The following SMIM36 variants were observed in gnomAD, a reference collection of about 807,000 sequenced individuals.
SMIM36 encodes the protein small integral membrane protein 36.
At chr17:55,450,883 C>T (rs1474571083) in intron 4 of SMIM36, among the ~76,000 whole-genome samples, 1 of 152,164 alleles carries the variant, frequency 6.6e-6, no homozygotes, top group Non-Finnish European at 1.5e-5. Context: ...CTTAAAGATC[C>T]ATAGTGGCTT....
chr17:55,475,048 GA>G (rs2143266183), intron 3 of SMIM36, among the ~76,000 whole-genome samples: 1 of 151,988 alleles, frequency 6.6e-6, no homozygotes, highest in Admixed American at 6.6e-5. Context: ...GCTAGTTTTG[GA>G]CCCCCCACAG....
chr17:55,501,401 TTATTA>T (rs1186270275), intron 1 of SMIM36, among the ~76,000 whole-genome samples: 3 of 18,176 alleles, frequency 1.7e-4, no homozygotes, highest in African/African-American at 9.8e-4. Flanking sequence ...ATATTATATA[TTATTA>T]TATATTATAA....
the SMIM36 span, among the ~76,000 whole-genome samples, chr17:55,522,935 ATGAAT>A: frequency 6.6e-6 from 1 of 152,182 alleles, no homozygotes; most frequent in Non-Finnish European, 1.5e-5. Flanking sequence ...TATTTGGGGA[ATGAAT>A]AAGCCGTTCA....
upstream of SMIM36, among the ~76,000 whole-genome samples, chr17:55,514,981 C>G (rs139259396): frequency 1.3e-5 from 2 of 151,052 alleles, no homozygotes; most frequent in African/African-American, 4.9e-5. Flanking sequence ...GATTATTTCA[C>G]AGTTGAGGAC....
At chr17:55,482,156 T>A (rs1469074689) in intron 1 of SMIM36, among the ~76,000 whole-genome samples, 1 of 152,190 alleles carries the variant, frequency 6.6e-6, no homozygotes, top group Non-Finnish European at 1.5e-5. Context: ...ATTAGACGAA[T>A]CCTAAGACCC....
At chr17:55,486,408 CCTCT>C (rs1206420460) in intron 1 of SMIM36, among the ~76,000 whole-genome samples, 3 of 152,078 alleles carry the variant, frequency 2.0e-5, no homozygotes, top group Admixed American at 6.6e-5. Context: ...TTGGCATGTT[CCTCT>C]CTCTATCTCT....
intron 4 of SMIM36, among the ~76,000 whole-genome samples, chr17:55,452,024 C>A (rs1598444877): frequency 1.4e-5 from 2 of 141,432 alleles, no homozygotes; most frequent in South Asian, 4.4e-4. Flanking sequence ...CACTTGAGCC[C>A]AGGAGTTTGA....
At chr17:55,461,879 A>G (rs1909153908) in intron 4 of SMIM36, among the ~76,000 whole-genome samples, 2 of 152,232 alleles carry the variant, frequency 1.3e-5, no homozygotes, top group Non-Finnish European at 2.9e-5. Flanking sequence ...TGGTTAGTCA[A>G]TAGAACAATT....
the SMIM36 span, among the ~76,000 whole-genome samples, chr17:55,522,470 A>T: frequency 6.6e-6 from 1 of 152,236 alleles, no homozygotes; most frequent in African/African-American, 2.4e-5. Flanking sequence ...CAATCATGGC[A>T]GAAGGTGAAT....
rs79073173 is a variant in SMIM36 at position 55,483,585 on chromosome 17, C to T, written c.*175-4005G>A. On this transcript the variant is annotated intron_variant, in intron 1 of 4. Transcript: ENST00000636752. ...GACTTGAGCTGCAACAGTAACTCTC[C>T]TCTGGGTTTCTAGTCTGCCTGCCTG... 3.7e-3 allele frequency among the ~76,000 whole-genome samples: 561 copies of T among 152,268 alleles called. 6 individuals carry two copies. The highest frequency in any genetic ancestry group is 0.013 in the African/African-American group (522 of 41,538).
chr17:55,481,520 T>C (rs1215126030), intron 1 of SMIM36, among the ~76,000 whole-genome samples: 1 of 152,190 alleles, frequency 6.6e-6, no homozygotes, highest in Non-Finnish European at 1.5e-5. Context: ...CCTCCTGTTT[T>C]CGATCATGAC....
At chr17:55,491,885 C>T (rs1018282452) in intron 1 of SMIM36, among the ~76,000 whole-genome samples, 61 of 152,204 alleles carry the variant, frequency 4.0e-4, no homozygotes, top group Admixed American at 3.1e-3. Context: ...CTAGGCGGGG[C>T]GGGGTGGCTC....
chr17:55,526,292 C>T, the SMIM36 span, among the ~76,000 whole-genome samples: 22 of 151,900 alleles, frequency 1.4e-4, no homozygotes, highest in East Asian at 9.7e-4. Flanking sequence ...TACAGGTGTG[C>T]GCCACCACAT....
At chr17:55,508,698 G>A (rs190929120) in intron 1 of SMIM36, among the ~76,000 whole-genome samples, 70 of 151,692 alleles carry the variant, frequency 4.6e-4, no homozygotes, top group Middle Eastern at 3.4e-3. Context: ...CGAGGTGGGC[G>A]GATCACCTGA....
the SMIM36 span, among the ~76,000 whole-genome samples, chr17:55,531,084 G>A: frequency 6.6e-6 from 1 of 152,062 alleles, no homozygotes; most frequent in Non-Finnish European, 1.5e-5. Context: ...TCCTTCTGAA[G>A]CAAGATATCT....
At chr17:55,496,410 T>C (rs1018170265) in intron 1 of SMIM36, among the ~76,000 whole-genome samples, 3 of 151,804 alleles carry the variant, frequency 2.0e-5, no homozygotes, top group African/African-American at 7.3e-5. Context: ...AAAAAAAAAA[T>C]ATGCGCAGAC....
intron 1 of SMIM36, among the ~76,000 whole-genome samples, chr17:55,485,380 C>T (rs987306826): frequency 7.9e-5 from 12 of 151,978 alleles, no homozygotes; most frequent in Non-Finnish European, 1.8e-4. Flanking sequence ...CCTCAACCTT[C>T]CAGACTCAAG....
Position 55,501,199 on chromosome 17 carries a change from A to ATTT in SMIM36, c.*174+9679_*174+9680insAAA. On this transcript the variant is annotated intron_variant, in intron 1 of 4. Transcript: ENST00000636752. ...TATTATAATATATAATATATCTTAT[A>ATTT]TATTATAATATATAATATATATTAT... 6.6e-5 allele frequency among the ~76,000 whole-genome samples: 6 copies of ATTT among 90,454 alleles called. 2 individuals carry two copies. The highest frequency in any genetic ancestry group is 3.7e-4 in the Admixed American group (2 of 5,370). 59.3% of individuals were successfully genotyped at this position (90,454 alleles called of 152,430 possible). A position where few individuals can be genotyped will look rare whatever the true frequency, so the allele number is the denominator to read the frequency against.
rs192909068 is a variant in SMIM36, at chr17:55,452,759, G to A, written c.*532-2461C>T. ...AATAGAAAAAATAATGCTGTCAGTC[G>A]TTGCTGTATATTTTGGGTACTCTCC... On this transcript the variant is annotated intron_variant, in intron 4 of 4. Transcript: ENST00000636752. 5.8e-4 allele frequency among the ~76,000 whole-genome samples: 89 copies of A among 152,262 alleles called. 1 individual carries two copies. The highest frequency in any genetic ancestry group is 9.7e-4 in the Non-Finnish European group (66 of 68,016).
Sources: gnomAD v4.1 joint callset for allele counts (sites outside exome capture counted in the v4.1 genomes callset) on GRCh38, gnomAD v4.1.1 for gene constraint, MANE v1.5 for transcripts, NCBI Gene and HGNC (gene_info 2026-07-23, HGNC 2026-07-21) for gene names.